The following ARAP2 variants were observed in gnomAD, a reference collection of about 807,000 sequenced individuals.
The protein encoded by ARAP2 is arf-GAP with Rho-GAP domain, ANK repeat and PH domain-containing protein 2.
A neutral mutation model predicts 194.5 loss-of-function variants in ARAP2; 148 were observed. The observed-to-expected ratio is 0.76, with a 90% CI of 0.67 to 0.87. ARAP2 has a LOEUF of 0.87. Ranked by LOEUF, ARAP2 falls within the 40% of genes least tolerant of loss-of-function variation. The pLI is 0.00. For synonymous variants in ARAP2, 695 were observed against 683.5 expected (o/e 1.02, Z -0.26); for missense variants, 2,128 against 1,989.7 (o/e 1.07, Z -1.32).
intron 1 of ARAP2, among the ~76,000 whole-genome samples, chr4:36,241,707 TATTCCAAAAA>T (rs1342383220): frequency 1.3e-5 from 2 of 152,180 alleles, no homozygotes; most frequent in African/African-American, 4.8e-5. Flanking sequence ...GAATTTGATA[TATTCCAAAAA>T]AAACACTTAA....
At chr4:36,050,808 G>T (rs1158628440) in intron 3 of ARAP2, among the ~76,000 whole-genome samples, 2 of 152,172 alleles carry the variant, frequency 1.3e-5, no homozygotes, top group East Asian at 3.8e-4. Context: ...CTAAGGAAAT[G>T]CATTATGTTT....
At chr4:36,193,055 C>T (rs1742292729) in intron 7 of ARAP2, among the ~76,000 whole-genome samples, 1 of 152,138 alleles carries the variant, frequency 6.6e-6, no homozygotes, top group Non-Finnish European at 1.5e-5. Context: ...TCTTGCAAAC[C>T]TCCAAGAGAT....
chr4:36,047,587 C>A (rs115488603), intron 3 of ARAP2, among the ~76,000 whole-genome samples: 1,621 of 152,276 alleles, frequency 0.011, 15 homozygotes, highest in South Asian at 0.019. Context: ...ATAATTAACT[C>A]ATTTATTCCT....
chr4:36,043,278 T>C (rs1461976909), intron 5 of ARAP2, among the ~76,000 whole-genome samples: 1 of 152,182 alleles, frequency 6.6e-6, no homozygotes, highest in Non-Finnish European at 1.5e-5. Context: ...AATAAAATAA[T>C]TGTAAGTTTG....
At chr4:36,061,039 A>G (rs1577695597), downstream of ARAP2, among the ~76,000 whole-genome samples, 2 of 152,300 alleles carry the variant, frequency 1.3e-5, no homozygotes, top group East Asian at 3.9e-4. Context: ...AGGATGAAGA[A>G]AACATTGCTA....
intron 1 of ARAP2, among the ~76,000 whole-genome samples, chr4:36,234,640 TG>T (rs1752123188): frequency 6.6e-6 from 1 of 152,228 alleles, no homozygotes; most frequent in African/African-American, 2.4e-5. Context: ...AACTTTTCTG[TG>T]CTTTAGTTTC....
At chr4:36,156,395 GAAAGAA>G (rs1560549314) in intron 15 of ARAP2, among the ~76,000 whole-genome samples, 15 of 14,680 alleles carry the variant, frequency 1.0e-3, no homozygotes, top group African/African-American at 3.2e-3. Context: ...GAGAGAGAAA[GAAAGAA>G]AGAAAGAAAG....
At chr4:36,052,055 T>A (rs1164627909) in intron 2 of ARAP2, 1 of 152,226 alleles carries the variant, frequency 6.6e-6, no homozygotes, top group East Asian at 1.9e-4. Flanking sequence ...AGTTCATACC[T>A]GAAAAATAGA....
chr4:36,105,881 T>C (rs551357722), intron 27 of ARAP2, among the ~76,000 whole-genome samples: 10 of 152,112 alleles, frequency 6.6e-5, no homozygotes, highest in African/African-American at 1.7e-4. Flanking sequence ...AAAGGTATTA[T>C]GTCTAGGTGT....
chr4:36,180,014 C>T (rs893403032), intron 8 of ARAP2, among the ~76,000 whole-genome samples: 3 of 152,082 alleles, frequency 2.0e-5, no homozygotes, highest in African/African-American at 4.8e-5. Context: ...GTCCCACACC[C>T]GTAATCCCAG....
At position 36,177,878 on chromosome 4, in the gene ARAP2, T is replaced by G; in HGVS notation, c.1806A>C (p.Lys602Asn). 6.2e-7 allele frequency: 1 copy of G among 1,613,162 alleles called. No individual in the cohort carries two copies. Among genetic ancestry groups the G allele is most frequent in the Non-Finnish European group, 8.5e-7 (1 of 1,179,570 alleles). ...TGTTTCCACTTAACACAGTAAAAAT[T>G]TTTGCCTTATAGCCTCTCAATTCAA... ...GYLELRGYKA[K>N]IFTVLSGNSV... Residue 602 changes from lysine (K) to asparagine (N), a missense_variant, in exon 9 of 33, where the codon AAA (lysine) becomes AAC (asparagine). Physicochemically the swap from Lys to Asn is moderately conservative, Grantham distance 94 (BLOSUM62 0). Transcript: ENST00000303965.
chr4:36,117,016 T>G, intron 25 of ARAP2, 45 bp downstream of exon 25: 1 of 1,294,686 alleles, frequency 7.7e-7, no homozygotes, highest in Admixed American at 2.6e-5. Context: ...ATGCTAACAT[T>G]TGTGACTTCC....
intron 6 of ARAP2, chr4:36,019,095 A>T (rs895250111): frequency 5.3e-5 from 8 of 149,664 alleles, no homozygotes; most frequent in Non-Finnish European, 8.8e-5. Flanking sequence ...TATACTTTGC[A>T]TATATATTTA....
chr4:36,173,929 G>C (rs920221109), intron 9 of ARAP2, among the ~76,000 whole-genome samples: 5 of 152,260 alleles, frequency 3.3e-5, no homozygotes, highest in Admixed American at 3.3e-4. Flanking sequence ...CTACTCTTGA[G>C]GAACAGCTCA....
At chr4:36,102,648 C>T (rs1429711567) in intron 27 of ARAP2, among the ~76,000 whole-genome samples, 1 of 151,942 alleles carries the variant, frequency 6.6e-6, no homozygotes, top group Non-Finnish European at 1.5e-5. Flanking sequence ...ATTGAAAGCT[C>T]TTCATAAACA....
At chr4:36,214,215 T>C (rs192137598) in intron 3 of ARAP2, among the ~76,000 whole-genome samples, 149 of 152,314 alleles carry the variant, frequency 9.8e-4, no homozygotes, top group Non-Finnish European at 1.5e-3. Flanking sequence ...TACATTAGCA[T>C]GTACAAATTT....
intron 10 of ARAP2, among the ~76,000 whole-genome samples, chr4:36,165,943 C>T (rs1431800333): frequency 1.3e-5 from 2 of 151,926 alleles, no homozygotes; most frequent in African/African-American, 4.8e-5. Context: ...AAATAAATGG[C>T]CTACATGAAT....
At chr4:36,049,523 C>T (rs1270260945) in intron 3 of ARAP2, among the ~76,000 whole-genome samples, 1 of 152,168 alleles carries the variant, frequency 6.6e-6, no homozygotes. Flanking sequence ...CTAATTATTA[C>T]AGACTTCCTG....
rs1399541193 is a variant in ARAP2 at position 36,159,477 on chromosome 4, T to C, written c.2471A>G (p.Asp824Gly). Reference sequence around the variant, plus strand: ...CAGCAAAGCCATTGTTTCTAGAACATCCGGTTTCACTACAGCAGCACATAG... The same window carrying C: ...CAGCAAAGCCATTGTTTCTAGAACACCCGGTTTCACTACAGCAGCACATAG... ...KALCAAVVKP[D>G]VLETMALLFS... Residue 824 changes from aspartate to glycine, a missense_variant, in exon 14 of 33, where the codon GAT becomes GGT. Transcript: ENST00000303965. The C allele has an allele frequency of 6.3e-7, 1 of 1,589,380 alleles. No individual in the cohort carries two copies. Among genetic ancestry groups the C allele is most frequent in the Non-Finnish European group, 8.6e-7 (1 of 1,164,786 alleles).
Sources: allele counts gnomAD v4.1 joint callset (sites outside exome capture counted in the v4.1 genomes callset), GRCh38; gene constraint gnomAD v4.1.1; transcripts MANE v1.5; gene names NCBI Gene and HGNC (gene_info 2026-07-23, HGNC 2026-07-21).